SLC35F3: variants seen among roughly 807,000 people sequenced by gnomAD.
SLC35F3 encodes putative thiamine transporter SLC35F3.
Under a neutral mutation model 49.9 loss-of-function variants are expected in SLC35F3, and 25 were observed. That is an observed-to-expected ratio of 0.50 (90% confidence interval 0.37 to 0.70). The LOEUF (loss-of-function observed/expected upper bound fraction) is 0.70. Among genes scored for constraint, SLC35F3 ranks in the 30% least tolerant of loss-of-function variants. The pLI, the probability that SLC35F3 is intolerant of heterozygous loss-of-function variation, is 0.00. For synonymous variants in SLC35F3, 275 were observed against 265.4 expected (o/e 1.04, Z -0.35); for missense variants, 525 against 639.8 (o/e 0.82, Z 1.94).
chr1:233,936,596 C>T (rs1322022958), intron 2 of SLC35F3, among the ~76,000 whole-genome samples: 1 of 151,366 alleles, frequency 6.6e-6, no homozygotes, highest in East Asian at 1.9e-4. Flanking sequence ...TCCTCTTCTT[C>T]CCTGTCTTCT....
At chr1:234,053,452 T>C (rs1276702088) in intron 2 of SLC35F3, among the ~76,000 whole-genome samples, 1 of 152,232 alleles carries the variant, frequency 6.6e-6, no homozygotes, top group African/African-American at 2.4e-5. Flanking sequence ...AGACTAGGAT[T>C]GCAACCCCTG....
intron 2 of SLC35F3, among the ~76,000 whole-genome samples, chr1:234,036,887 C>T (rs1235355887): frequency 2.0e-5 from 3 of 152,176 alleles, no homozygotes; most frequent in African/African-American, 7.2e-5. Flanking sequence ...TTAGTTTCTT[C>T]AGGTCAACTA....
chr1:234,323,087 C>A lies in SLC35F3; in HGVS notation c.1317C>A (p.Leu439=). Residue 439 remains leucine, a synonymous_variant, in exon 8 of 8, where the codon CTC becomes CTA. Coordinates refer to ENST00000366618, the MANE Select transcript of SLC35F3 (RefSeq NM_173508.4). This position sits in a 1 kb window ranked among gnomAD's most constrained non-coding sequence, Gnocchi z 4.5. ...IAIIIIGLGF[L]LLLLPEEWDV... ...TCATCATCATCGGCCTGGGTTTTCT[C>A]CTCCTGCTCCTGCCAGAGGAGTGGG... 1 of 1,614,162 alleles carries A rather than the reference C, an allele frequency of 6.2e-7. No homozygotes were observed. The highest frequency in any genetic ancestry group is 8.5e-7 in the Non-Finnish European group (1 of 1,180,040).
chr1:234,295,288 C>G (rs1245164502), intron 3 of SLC35F3, among the ~76,000 whole-genome samples: 1 of 152,236 alleles, frequency 6.6e-6, no homozygotes, highest in African/African-American at 2.4e-5. Flanking sequence ...ATTAAACTAT[C>G]CCATTACACG....
At chr1:234,258,553 A>C (rs958551532) in intron 3 of SLC35F3, among the ~76,000 whole-genome samples, 1 of 152,248 alleles carries the variant, frequency 6.6e-6, no homozygotes. Context: ...ACCTTTCATT[A>C]GTTTTACAAA....
At chr1:234,012,159 C>G (rs959655026) in intron 2 of SLC35F3, among the ~76,000 whole-genome samples, 5 of 152,234 alleles carry the variant, frequency 3.3e-5, no homozygotes, top group South Asian at 4.1e-4. Flanking sequence ...ATATTTCTCT[C>G]TGCCCAAACA....
At chr1:234,229,097 G>A (rs189270957) in intron 2 of SLC35F3, among the ~76,000 whole-genome samples, 23 of 152,150 alleles carry the variant, frequency 1.5e-4, no homozygotes, top group Middle Eastern at 3.4e-3. Context: ...TACCACAGGC[G>A]TTACACATTT....
At chr1:233,910,056 T>C (rs1661849783) in intron 2 of SLC35F3, among the ~76,000 whole-genome samples, 1 of 152,256 alleles carries the variant, frequency 6.6e-6, no homozygotes, top group Admixed American at 6.5e-5. Flanking sequence ...GCAGCTGGCA[T>C]GATTCCACAA....
At chr1:234,106,627 C>A (rs192785757) in intron 2 of SLC35F3, among the ~76,000 whole-genome samples, 4 of 152,322 alleles carry the variant, frequency 2.6e-5, no homozygotes, top group Admixed American at 2.6e-4. Context: ...TCAGTGACCT[C>A]ACTTAATCTT....
chr1:234,042,090 C>G (rs1664229974), intron 2 of SLC35F3, among the ~76,000 whole-genome samples: 1 of 152,152 alleles, frequency 6.6e-6, no homozygotes, highest in Non-Finnish European at 1.5e-5. Flanking sequence ...TCAAGTTGCC[C>G]CTCTGGCTTT....
intron 3 of SLC35F3, among the ~76,000 whole-genome samples, chr1:234,306,921 A>T (rs764181458): frequency 2.0e-5 from 3 of 152,176 alleles, no homozygotes; most frequent in Non-Finnish European, 2.9e-5. Flanking sequence ...TTCTGCTTGC[A>T]TGATGTTCTT....
chr1:233,991,839 A>C (rs1283211402), intron 2 of SLC35F3, among the ~76,000 whole-genome samples: 1 of 152,132 alleles, frequency 6.6e-6, no homozygotes, highest in East Asian at 1.9e-4. Flanking sequence ...TGTTTATTTA[A>C]TTTTATATTA....
At chr1:234,218,170 G>T (rs1273180691) in intron 2 of SLC35F3, among the ~76,000 whole-genome samples, 1 of 152,232 alleles carries the variant, frequency 6.6e-6, no homozygotes, top group Non-Finnish European at 1.5e-5. Flanking sequence ...GCATTGGTCA[G>T]TAGCACATCT....
At chr1:234,002,511 G>T (rs984436843) in intron 2 of SLC35F3, among the ~76,000 whole-genome samples, 1 of 152,072 alleles carries the variant, frequency 6.6e-6, no homozygotes, top group Non-Finnish European at 1.5e-5. Flanking sequence ...TTTTTATCAT[G>T]ATTAAACTAG....
At chr1:234,218,187 G>A (rs1667151694) in intron 2 of SLC35F3, among the ~76,000 whole-genome samples, 1 of 152,208 alleles carries the variant, frequency 6.6e-6, no homozygotes, top group Admixed American at 6.5e-5. Flanking sequence ...ATCTCTAATA[G>A]ACTAGTGTTT....
chr1:233,973,066 G>GC (rs1663021235), intron 2 of SLC35F3, among the ~76,000 whole-genome samples: 1 of 152,196 alleles, frequency 6.6e-6, no homozygotes, highest in Non-Finnish European at 1.5e-5. Flanking sequence ...ATGCCTGAAG[G>GC]CAAAAAGACA....
chr1:234,312,716 A>C (rs1429439718), intron 4 of SLC35F3, among the ~76,000 whole-genome samples: 1 of 152,134 alleles, frequency 6.6e-6, no homozygotes, highest in African/African-American at 2.4e-5. Context: ...GAGTTGGGGG[A>C]AGAATGATTA....
chr1:234,187,703 C>T (rs1309356700), intron 2 of SLC35F3, among the ~76,000 whole-genome samples: 1 of 152,174 alleles, frequency 6.6e-6, no homozygotes, highest in Non-Finnish European at 1.5e-5. Context: ...AATGTAGACA[C>T]CTGAGTGAAC....
chr1:234,099,687 A>G (rs772966036), intron 2 of SLC35F3, among the ~76,000 whole-genome samples: 1 of 152,002 alleles, frequency 6.6e-6, no homozygotes, highest in African/African-American at 2.4e-5. Flanking sequence ...ACAAGAGAAC[A>G]CAGAGTTGCA....
Sources: allele counts gnomAD v4.1 joint callset (sites outside exome capture counted in the v4.1 genomes callset), GRCh38; gene constraint gnomAD v4.1.1; non-coding constraint Gnocchi (gnomAD v3.1); transcripts MANE v1.5; gene names NCBI Gene and HGNC (gene_info 2026-07-23, HGNC 2026-07-21).